Variants in SLC14A2 observed in about 807,000 individuals in gnomAD.
SLC14A2 encodes the protein solute carrier family 14 member 2.
SLC14A2 carries 91 observed loss-of-function variants against 104.6 expected under a neutral mutation model. The ratio of observed to expected loss-of-function variants is 0.87; its 90% CI spans 0.73 to 1.04. SLC14A2 has a LOEUF of 1.04. Among genes scored for constraint, SLC14A2 ranks in the 50% least tolerant of loss-of-function variants. The pLI is 0.00. For missense variants in SLC14A2, 1,189 were observed against 1,156.0 expected, an observed-to-expected ratio of 1.03 and a Z score of -0.41; for synonymous variants, 476 against 466.4, an observed-to-expected ratio of 1.02 and a Z score of -0.27.
intron 1 of SLC14A2, among the ~76,000 whole-genome samples, chr18:45,356,904 C>T (rs1214275448): frequency 6.6e-6 from 1 of 152,190 alleles, no homozygotes; most frequent in Non-Finnish European, 1.5e-5. Context: ...CCTGCAGAAT[C>T]AAGAGCCTGG....
intron 1 of SLC14A2, among the ~76,000 whole-genome samples, chr18:45,622,740 C>G (rs2045194419): frequency 6.6e-6 from 1 of 152,080 alleles, no homozygotes; most frequent in Non-Finnish European, 1.5e-5. Flanking sequence ...GATCAACTCT[C>G]AGAACACCAC....
the SLC14A2 span, among the ~76,000 whole-genome samples, chr18:45,204,154 T>G: frequency 6.6e-6 from 1 of 151,820 alleles, no homozygotes; most frequent in East Asian, 1.9e-4. Flanking sequence ...TATTCCAGAG[T>G]GGTAATAAAA....
chr18:45,251,795 G>A (rs777801044), intron 1 of SLC14A2, among the ~76,000 whole-genome samples: 11 of 152,102 alleles, frequency 7.2e-5, no homozygotes, highest in Non-Finnish European at 1.6e-4. Context: ...TCCAAATACA[G>A]CCACATTCTA....
At chr18:45,624,132 A>AAGAGGGAAGGAGCTGGAAATGGT (rs2144500790) in intron 1 of SLC14A2, among the ~76,000 whole-genome samples, 1 of 152,282 alleles carries the variant, frequency 6.6e-6, no homozygotes, top group South Asian at 2.1e-4. Flanking sequence ...AGGGAAGGGA[A>AAGAGGGAAGGAGCTGGAAATGGT]AGAGGGAAGG....
intron 2 of SLC14A2, among the ~76,000 whole-genome samples, chr18:45,499,966 C>T (rs1427959377): frequency 6.6e-6 from 1 of 152,202 alleles, no homozygotes; most frequent in African/African-American, 2.4e-5. Context: ...TGAGCCTGCT[C>T]TGACAAGAGT....
At chr18:45,239,095 A>T (rs1035325631) in intron 1 of SLC14A2, among the ~76,000 whole-genome samples, 1 of 152,154 alleles carries the variant, frequency 6.6e-6, no homozygotes, top group African/African-American at 2.4e-5. Flanking sequence ...TTGGCCAATG[A>T]CTTCTTTCTT....
At chr18:45,506,832 C>T (rs1267865550) in intron 2 of SLC14A2, among the ~76,000 whole-genome samples, 1 of 152,202 alleles carries the variant, frequency 6.6e-6, no homozygotes, top group Non-Finnish European at 1.5e-5. Flanking sequence ...TATTCAAGCC[C>T]TGGGCTAGGG....
chr18:45,666,738 CA>C lies in SLC14A2; in HGVS notation c.1558-196del, dbSNP rs148431402. ...GTAAAGATGTTATCTTACTGTGCCT[CA>C]CGGTAGTTAACCTATTAGATGAGGT... On this transcript the variant is annotated intron_variant, in intron 12 of 19. Transcript: ENST00000255226. Among the ~76,000 whole-genome samples, 463 of 152,286 alleles carry C rather than the reference CA, an allele frequency of 3.0e-3. 8 individuals carry two copies. The East Asian group carries it at 0.053, about 18-fold the overall frequency.
At chr18:45,669,603 A>G in intron 16 of SLC14A2, 105 bp downstream of exon 16, 2 of 913,600 alleles carry the variant, frequency 2.2e-6, no homozygotes, top group South Asian at 1.6e-5. Context: ...ATTTTTAACA[A>G]TTACACAGTA....
intron 1 of SLC14A2, chr18:45,483,088 G>A (rs186381780): frequency 9.9e-5 from 15 of 152,198 alleles, no homozygotes; most frequent in Admixed American, 6.5e-4. Context: ...TGAGTTTTAT[G>A]TCCTGTTTCC....
intron 18 of SLC14A2, among the ~76,000 whole-genome samples, chr18:45,675,948 C>T (rs1306784634): frequency 6.6e-6 from 1 of 151,862 alleles, no homozygotes; most frequent in East Asian, 1.9e-4. Context: ...GCTCCTTCAG[C>T]AGACAGAACA....
upstream of SLC14A2, among the ~76,000 whole-genome samples, chr18:45,211,485 A>C (rs959678714): frequency 5.3e-5 from 8 of 152,314 alleles, no homozygotes; most frequent in Admixed American, 1.3e-4. Flanking sequence ...GGAGAAGAAA[A>C]AAATTACAAA....
chr18:45,607,646 C>T (rs1304295167), intron 2 of SLC14A2, among the ~76,000 whole-genome samples: 5 of 152,190 alleles, frequency 3.3e-5, no homozygotes, highest in African/African-American at 1.2e-4. Context: ...ATTGCCCAAA[C>T]TTAGCAACAT....
chr18:45,399,881 T>C (rs2086076998), intron 1 of SLC14A2, among the ~76,000 whole-genome samples: 1 of 152,052 alleles, frequency 6.6e-6, no homozygotes, highest in Non-Finnish European at 1.5e-5. Context: ...CCCCTCTTCC[T>C]TCTTTTCTTC....
intron 1 of SLC14A2, among the ~76,000 whole-genome samples, chr18:45,350,199 C>A (rs907656820): frequency 6.6e-6 from 1 of 152,104 alleles, no homozygotes; most frequent in Non-Finnish European, 1.5e-5. Context: ...GAGAAACGTG[C>A]GAGAAACAGA....
intron 6 of SLC14A2, among the ~76,000 whole-genome samples, chr18:45,638,351 C>A (rs2045458996): frequency 1.3e-5 from 2 of 152,160 alleles, no homozygotes; most frequent in African/African-American, 4.8e-5. Flanking sequence ...CAAGAGTGAG[C>A]AAAGTTTAAG....
intron 2 of SLC14A2, among the ~76,000 whole-genome samples, chr18:45,572,672 CTCTCAG>C (rs2044364813): frequency 6.6e-6 from 1 of 152,218 alleles, no homozygotes; most frequent in African/African-American, 2.4e-5. Context: ...ACCACTCCAG[CTCTCAG>C]AAGCTGCTTC....
intron 1 of SLC14A2, among the ~76,000 whole-genome samples, chr18:45,401,132 T>C (rs1238120276): frequency 6.6e-6 from 1 of 152,222 alleles, no homozygotes; most frequent in African/African-American, 2.4e-5. Flanking sequence ...TCCTCATTTC[T>C]GTTAGGTCTT....
intron 2 of SLC14A2, among the ~76,000 whole-genome samples, chr18:45,519,364 G>A (rs1047327167): frequency 3.3e-5 from 5 of 152,190 alleles, no homozygotes; most frequent in African/African-American, 1.2e-4. Flanking sequence ...ATTGCTTCTT[G>A]TAGGAGATGG....
Sources: gnomAD v4.1 joint callset for allele counts (sites outside exome capture counted in the v4.1 genomes callset) on GRCh38, gnomAD v4.1.1 for gene constraint, MANE v1.5 for transcripts, NCBI Gene and HGNC (gene_info 2026-07-23, HGNC 2026-07-21) for gene names.